GLIS3: variants seen among roughly 807,000 people sequenced by gnomAD.
The protein encoded by GLIS3 is zinc finger protein GLIS3.
In GLIS3, 53 loss-of-function variants were observed where a neutral mutation model predicts 78.6. That is an observed-to-expected ratio of 0.67 (90% CI 0.54 to 0.85). The LOEUF is 0.85. Ranked by LOEUF, GLIS3 falls within the 40% of genes least tolerant of loss-of-function variation. GLIS3 has a pLI of 0.00. For synonymous variants in GLIS3, 684 were observed against 509.9 expected, an observed-to-expected ratio of 1.34 and a Z score of -4.60; for missense variants, 1,703 against 1,231.1, an observed-to-expected ratio of 1.38 and a Z score of -5.74.
chr9:4,379,519 G>A, the GLIS3 span, among the ~76,000 whole-genome samples: 3 of 152,330 alleles, frequency 2.0e-5, no homozygotes, highest in African/African-American at 7.2e-5. Flanking sequence ...GAGATCAAAT[G>A]TGGAAATGCT....
At chr9:4,488,353 C>T in the GLIS3 span, among the ~76,000 whole-genome samples, 1,963 of 152,144 alleles carry the variant, frequency 0.013, 46 homozygotes, top group African/African-American at 0.045. Flanking sequence ...TAACATGTGC[C>T]ATCCCATGCT....
chr9:4,286,881 G>A (rs1357718475), intron 1 of GLIS3, among the ~76,000 whole-genome samples: 1 of 152,152 alleles, frequency 6.6e-6, no homozygotes, highest in Non-Finnish European at 1.5e-5. Context: ...TGGGTCTTGG[G>A]AAACCCAAAA....
chr9:4,372,233 G>A, the GLIS3 span, among the ~76,000 whole-genome samples: 229 of 152,266 alleles, frequency 1.5e-3, 1 homozygote, highest in African/African-American at 5.3e-3. Flanking sequence ...CCAGGACCCC[G>A]TGCTCAGATG....
At position 4,118,089 on chromosome 9, in the gene GLIS3, A is replaced by C. The variant is rs763868779; in HGVS notation, c.1389T>G (p.His463Gln). 4 of 977,550 alleles carry C rather than the reference A, an allele frequency of 4.1e-6. No individual in the cohort carries two copies. Among genetic ancestry groups the C allele is most frequent in the Non-Finnish European group, 4.6e-6 (3 of 649,768 alleles). 60.6% of individuals were successfully genotyped at this position (977,550 alleles called of 1,614,324 possible). Residue 463 changes from histidine (H) to glutamine (Q), a missense_variant, in exon 4 of 11, where the codon CAT (histidine) becomes CAG (glutamine). Coordinates refer to ENST00000381971, the MANE Select transcript of GLIS3 (RefSeq NM_001042413.2). This position sits in a 1 kb window ranked among gnomAD's most constrained non-coding sequence, Gnocchi z 4.7. ...CCGGGTGGTGAAGGTGCGCATGGGC[A>C]TGGTAAGGGGGTGGGGGGCCTGGGG... ...PPPPGPPPPY[H>Q]AHAHLHHPEL...
At chr9:4,253,977 C>T (rs72690047) in intron 2 of GLIS3, among the ~76,000 whole-genome samples, 16,976 of 152,210 alleles carry the variant, frequency 0.11, 1,229 homozygotes, top group Non-Finnish European at 0.16. Flanking sequence ...CCAGGTACCT[C>T]AGTTGGAAAT....
At chr9:4,392,772 G>A in the GLIS3 span, among the ~76,000 whole-genome samples, 36 of 152,150 alleles carry the variant, frequency 2.4e-4, no homozygotes, top group African/African-American at 8.4e-4. Flanking sequence ...GCACCTCAGA[G>A]TAGCCCTATT....
the GLIS3 span, among the ~76,000 whole-genome samples, chr9:4,411,054 C>G: frequency 6.6e-6 from 1 of 152,096 alleles, no homozygotes; most frequent in Non-Finnish European, 1.5e-5. Context: ...TTAACGCAAA[C>G]AAAATGATAA....
At chr9:4,094,957 T>C (rs1829823513) in intron 4 of GLIS3, among the ~76,000 whole-genome samples, 1 of 152,348 alleles carries the variant, frequency 6.6e-6, no homozygotes, top group East Asian at 1.9e-4. Flanking sequence ...TTTCAATACA[T>C]GTAATACATA....
At chr9:3,863,578 G>A (rs1284741579) in intron 8 of GLIS3, among the ~76,000 whole-genome samples, 4 of 152,218 alleles carry the variant, frequency 2.6e-5, no homozygotes, top group African/African-American at 7.2e-5. Flanking sequence ...TCATAAGGTT[G>A]GAAAAGACCA....
intron 2 of GLIS3, among the ~76,000 whole-genome samples, chr9:4,265,941 C>T (rs1440098673): frequency 6.8e-5 from 7 of 102,318 alleles, no homozygotes; most frequent in African/African-American, 1.6e-4. Flanking sequence ...TGTTTGGAGA[C>T]GGAGTCTCAC....
intron 5 of GLIS3, 111 bp from the exon 6 acceptor site, chr9:3,932,581 G>T: frequency 1.3e-6 from 1 of 790,754 alleles, no homozygotes; most frequent in Admixed American, 1.8e-5. Context: ...CCAATTGACT[G>T]ATGTGAAATG....
At chr9:4,062,885 T>C (rs967560921) in intron 4 of GLIS3, among the ~76,000 whole-genome samples, 34 of 151,276 alleles carry the variant, frequency 2.2e-4, no homozygotes, top group African/African-American at 8.0e-4. Flanking sequence ...GCTGAGATCA[T>C]GCCACTACAC....
At chr9:4,348,389 C>G (rs1263473622) in exon 1 of GLIS3, 3 of 152,230 alleles carry the variant, frequency 2.0e-5, no homozygotes, top group African/African-American at 7.2e-5. Context: ...CAGCCATCAC[C>G]TCCACATCCC....
At chr9:4,260,598 T>C (rs1825426951) in intron 2 of GLIS3, among the ~76,000 whole-genome samples, 1 of 150,754 alleles carries the variant, frequency 6.6e-6, no homozygotes, top group African/African-American at 2.4e-5. Context: ...ATACAAAAAT[T>C]AGCTGGCCAT....
chr9:4,123,692 A>G, intron 3 of GLIS3: 1 of 395,810 alleles, frequency 2.5e-6, no homozygotes. Context: ...TTACTAGATC[A>G]ATTTAGTGGA....
chr9:3,888,666 C>T (rs1448867241), intron 7 of GLIS3, among the ~76,000 whole-genome samples: 1 of 152,174 alleles, frequency 6.6e-6, no homozygotes, highest in Non-Finnish European at 1.5e-5. Flanking sequence ...TGTTATGACT[C>T]CAGAGAACCC....
At chr9:4,057,052 C>A (rs143742175) in intron 4 of GLIS3, among the ~76,000 whole-genome samples, 2 of 152,152 alleles carry the variant, frequency 1.3e-5, no homozygotes, top group Admixed American at 6.6e-5. Flanking sequence ...TCTCCCACCA[C>A]AACTAGGCTC....
At chr9:3,889,351 TG>T in intron 7 of GLIS3, among the ~76,000 whole-genome samples, 1 of 152,292 alleles carries the variant, frequency 6.6e-6, no homozygotes. Context: ...TAGAGTGCCC[TG>T]GGAGACCTAT....
intron 4 of GLIS3, among the ~76,000 whole-genome samples, chr9:3,959,989 T>G (rs1817437929): frequency 1.3e-5 from 2 of 152,250 alleles, no homozygotes; most frequent in East Asian, 3.9e-4. Context: ...TCATCTCTAC[T>G]GAAAATACAA....
Sources: gnomAD v4.1 joint callset for allele counts (sites outside exome capture counted in the v4.1 genomes callset) on GRCh38, gnomAD v4.1.1 for gene constraint, Gnocchi (gnomAD v3.1) non-coding constraint, MANE v1.5 for transcripts, NCBI Gene and HGNC (gene_info 2026-07-23, HGNC 2026-07-21) for gene names.